PPFIA2: variants seen among roughly 807,000 people sequenced by gnomAD.
PPFIA2 encodes liprin-alpha-2.
Under a neutral mutation model 175.5 loss-of-function variants are expected in PPFIA2, and 46 were observed. The ratio of observed to expected loss-of-function variants is 0.26; its 90% CI spans 0.21 to 0.34. PPFIA2 has a LOEUF of 0.34. Ranked by LOEUF, PPFIA2 falls within the 10% of genes least tolerant of loss-of-function variation. PPFIA2 has a pLI of 1.00. For missense variants in PPFIA2, 1,179 were observed against 1,506.1 expected (o/e 0.78, Z 3.60); for synonymous variants, 568 against 511.4 (o/e 1.11, Z -1.49).
At chr12:81,469,809 T>C (rs2056416087) in intron 4 of PPFIA2, among the ~76,000 whole-genome samples, 1 of 152,186 alleles carries the variant, frequency 6.6e-6, no homozygotes, top group South Asian at 2.1e-4. Flanking sequence ...GATGGGAACG[T>C]TGGGAAATCA....
intron 22 of PPFIA2, among the ~76,000 whole-genome samples, chr12:81,308,315 C>T (rs2049857110): frequency 6.6e-6 from 1 of 152,118 alleles, no homozygotes; most frequent in African/African-American, 2.4e-5. Context: ...GAAGCACTAT[C>T]CTAAGTGTTT....
chr12:81,687,097 C>T (rs1485489872), intron 3 of PPFIA2, among the ~76,000 whole-genome samples: 1 of 151,986 alleles, frequency 6.6e-6, no homozygotes, highest in Non-Finnish European at 1.5e-5. Flanking sequence ...GAGTCTGATG[C>T]AGGCTAAGGT....
intron 14 of PPFIA2, among the ~76,000 whole-genome samples, chr12:81,365,534 T>A (rs755233952): frequency 6.6e-6 from 1 of 151,692 alleles, no homozygotes; most frequent in Non-Finnish European, 1.5e-5. Context: ...ATAACATGCA[T>A]AACAGCATCA....
At chr12:81,280,671 T>C (rs140367114) in intron 27 of PPFIA2, among the ~76,000 whole-genome samples, 204 of 152,200 alleles carry the variant, frequency 1.3e-3, no homozygotes, top group African/African-American at 4.6e-3. Context: ...TGCTGGATGG[T>C]AAACAACTTG....
chr12:81,409,428 A>C (rs1288000260), intron 7 of PPFIA2, among the ~76,000 whole-genome samples: 1 of 152,112 alleles, frequency 6.6e-6, no homozygotes, highest in African/African-American at 2.4e-5. Context: ...TAAATGGATT[A>C]AGGCTGTTAT....
intron 4 of PPFIA2, among the ~76,000 whole-genome samples, chr12:81,530,135 C>T (rs1350151665): frequency 6.6e-6 from 1 of 151,960 alleles, no homozygotes; most frequent in East Asian, 1.9e-4. Context: ...ACCACCCATT[C>T]CTTCATGCAT....
In PPFIA2 at chr12:81,508,166, G is replaced by C. The variant is rs549634285; in HGVS notation, c.304-50300C>G. On this transcript the variant is annotated intron_variant, in intron 4 of 32. Transcript: ENST00000549396. ...CTTCATCTCTGAAATAAAGTTTATAGTATAAATACTATATTCCTCGTGTAT... is the reference window on the plus strand; with the variant it reads ...CTTCATCTCTGAAATAAAGTTTATACTATAAATACTATATTCCTCGTGTAT... 4.6e-5 allele frequency among the ~76,000 whole-genome samples: 7 copies of C among 152,070 alleles called. No homozygotes were observed. In the South Asian group the frequency reaches 1.5e-3, roughly 32 times the overall value.
intron 8 of PPFIA2, among the ~76,000 whole-genome samples, chr12:81,394,352 G>A (rs2040702842): frequency 1.3e-5 from 2 of 151,782 alleles, no homozygotes; most frequent in African/African-American, 2.4e-5. Flanking sequence ...CAAAAATTAT[G>A]TATGTAAAGG....
chr12:81,657,086 G>A (rs2067908925), intron 4 of PPFIA2, among the ~76,000 whole-genome samples: 1 of 152,080 alleles, frequency 6.6e-6, no homozygotes. Context: ...ATGTTTCCCT[G>A]ACTGTAAGCA....
intron 28 of PPFIA2, among the ~76,000 whole-genome samples, chr12:81,274,912 C>T (rs1186203140): frequency 6.6e-6 from 1 of 152,112 alleles, no homozygotes; most frequent in Non-Finnish European, 1.5e-5. Context: ...GAGCTACACT[C>T]TAATCAGCAA....
intron 3 of PPFIA2, among the ~76,000 whole-genome samples, chr12:81,730,921 T>G (rs1399733311): frequency 1.3e-5 from 2 of 151,520 alleles, no homozygotes; most frequent in Admixed American, 6.6e-5. Flanking sequence ...ACCTAGAAAT[T>G]TCTGAGTTAG....
chr12:81,447,649 T>C (rs1286990420), intron 5 of PPFIA2, among the ~76,000 whole-genome samples: 1 of 152,204 alleles, frequency 6.6e-6, no homozygotes, highest in African/African-American at 2.4e-5. Context: ...AACAAATTTT[T>C]CTACCAAATT....
intron 17 of PPFIA2, 141 bp from the exon 18 acceptor site, chr12:81,347,911 CT>C (rs1003717045): frequency 1.9e-3 from 2,205 of 1,162,762 alleles, no homozygotes; most frequent in East Asian, 2.2e-3. Context: ...ATTTTTTCAT[CT>C]TTTTTTTTTC....
At chr12:81,290,558 A>T (rs1209356541) in intron 24 of PPFIA2, among the ~76,000 whole-genome samples, 2 of 151,864 alleles carry the variant, frequency 1.3e-5, no homozygotes, top group African/African-American at 4.8e-5. Flanking sequence ...GCTATTACAC[A>T]TTAGTAAAAA....
At chr12:81,338,954 A>G (rs2057575031) in intron 21 of PPFIA2, among the ~76,000 whole-genome samples, 1 of 152,158 alleles carries the variant, frequency 6.6e-6, no homozygotes, top group Non-Finnish European at 1.5e-5. Context: ...TATTGTTATA[A>G]AGAGAGAAAT....
intron 4 of PPFIA2, among the ~76,000 whole-genome samples, chr12:81,565,367 G>A (rs906981362): frequency 1.3e-5 from 2 of 152,136 alleles, no homozygotes; most frequent in African/African-American, 2.4e-5. Context: ...TCCTGCCCTC[G>A]AATATCAGAC....
rs565500303 is a variant in PPFIA2, at chr12:81,469,512, G to A, written c.304-11646C>T. Among the ~76,000 whole-genome samples, 4 of 152,322 alleles carry A rather than the reference G, an allele frequency of 2.6e-5. No individual in the cohort carries two copies. In the South Asian group the frequency reaches 6.2e-4, roughly 24 times the overall value. On this transcript the variant is annotated intron_variant, in intron 4 of 32. Transcript: ENST00000549396. Reference sequence around the variant, plus strand: ...AAGATGAAATGTGAAAAATGAGTAAGAGCCAGGCAAAATGTATGTTGAATG... The same window carrying A: ...AAGATGAAATGTGAAAAATGAGTAAAAGCCAGGCAAAATGTATGTTGAATG...
In PPFIA2 at chr12:81,347,745, T is replaced by G; in HGVS notation, c.2020A>C (p.Thr674Pro). The G allele has an allele frequency of 6.2e-7, 1 of 1,613,842 alleles. No individual in the cohort carries two copies. Among genetic ancestry groups the G allele is most frequent in the East Asian group, 2.2e-5 (1 of 44,874 alleles). The change falls in exon 18 of 33, where the codon ACA becomes CCA. Residue 674 changes from threonine to proline, a missense_variant. This residue lies in a region of PPFIA2 where 223 missense variants were observed against 241.6 expected (regional missense o/e 0.92). Transcript: ENST00000549396. ...TCAATTTCTTCAGCACGCAACTCTGTAGATTCTTTTTCTTCCTGAATTAGC... is the reference window on the plus strand; with the variant it reads ...TCAATTTCTTCAGCACGCAACTCTGGAGATTCTTTTTCTTCCTGAATTAGC... ...IRLIQEEKES[T>P]ELRAEEIENR...
chr12:81,554,134 T>C (rs548744024), intron 4 of PPFIA2, among the ~76,000 whole-genome samples: 1 of 152,024 alleles, frequency 6.6e-6, no homozygotes, highest in East Asian at 1.9e-4. Flanking sequence ...GCTTCAGTAA[T>C]TGAAGTAAAA....
Sources: gnomAD v4.1 joint callset for allele counts (sites outside exome capture counted in the v4.1 genomes callset) on GRCh38, gnomAD v4.1.1 for gene constraint, gnomAD v4.1.1 regional missense constraint, MANE v1.5 for transcripts, NCBI Gene and HGNC (gene_info 2026-07-23, HGNC 2026-07-21) for gene names.